CACNG8: variants seen among roughly 807,000 people sequenced by gnomAD.
CACNG8 encodes voltage-dependent calcium channel gamma-8 subunit.
Under a neutral mutation model 26.9 loss-of-function variants are expected in CACNG8, and 5 were observed. The ratio of observed to expected loss-of-function variants is 0.19; its 90% CI spans 0.10 to 0.39. CACNG8 has a LOEUF of 0.39. Ranked by LOEUF, CACNG8 falls within the 10% of genes least tolerant of loss-of-function variation. The pLI is 1.00. For missense variants in CACNG8, 473 were observed against 609.4 expected (o/e 0.78, Z 2.36); for synonymous variants, 321 against 296.7 (o/e 1.08, Z -0.84).
At chr19:53,978,606 G>A (rs1298565277) in intron 2 of CACNG8, among the ~76,000 whole-genome samples, 1 of 151,730 alleles carries the variant, frequency 6.6e-6, no homozygotes, top group Non-Finnish European at 1.5e-5. Flanking sequence ...ACTGGGAGCC[G>A]GCTGGGAAAG....
intron 3 of CACNG8, 108 bp from the exon 4 acceptor site, chr19:53,981,972 T>G: frequency 1.7e-6 from 2 of 1,174,542 alleles, no homozygotes; most frequent in Non-Finnish European, 2.1e-6. Flanking sequence ...CTAGACCGCC[T>G]GGGGGTGGCG....
chr19:53,973,248 G>A (rs539617667), intron 1 of CACNG8, among the ~76,000 whole-genome samples: 3 of 152,248 alleles, frequency 2.0e-5, no homozygotes, highest in Non-Finnish European at 4.4e-5. Context: ...CAGGCTGGGC[G>A]CGGTGGCTCA....
intron 1 of CACNG8, among the ~76,000 whole-genome samples, chr19:53,972,774 C>T (rs1289602103): frequency 3.9e-5 from 6 of 152,148 alleles, no homozygotes; most frequent in Non-Finnish European, 7.3e-5. Flanking sequence ...TCCAAAACCA[C>T]GCAGCTGGGA....
chr19:53,976,070 C>T (rs146396711), intron 1 of CACNG8, among the ~76,000 whole-genome samples: 64 of 152,324 alleles, frequency 4.2e-4, no homozygotes, highest in African/African-American at 1.3e-3. Flanking sequence ...TGGAGGCCAG[C>T]GCAGTGGCTC....
intron 2 of CACNG8, among the ~76,000 whole-genome samples, chr19:53,979,458 G>A (rs1239790622): frequency 1.3e-5 from 2 of 151,896 alleles, no homozygotes; most frequent in Non-Finnish European, 2.9e-5. Context: ...TGTGGAGAGA[G>A]GTAGTAAGTG....
At position 53,978,166 on chromosome 19, in the gene CACNG8, G is replaced by A. The variant is rs1241760322; in HGVS notation, c.304G>A (p.Val102Met). 1 of 1,613,016 alleles carries A rather than the reference G, an allele frequency of 6.2e-7. No individual in the cohort carries two copies. Among genetic ancestry groups the A allele is most frequent in the Admixed American group, 1.7e-5 (1 of 59,956 alleles). ...TCCAGGGTTGAAAAGAGGCGTCTGC[G>A]TGAAGATCAATCATTTCCCGGAGGA... The change falls in exon 2 of 4, where the codon GTG becomes ATG. Residue 102 changes from valine (V) to methionine (M), a missense_variant. Transcript: ENST00000270458.
Position 53,980,232 on chromosome 19 carries a change from C to T in CACNG8, c.508+225C>T, listed in dbSNP as rs534989801. ...TAAGGTGGGTGTAGTTCTCGCGTCG[C>T]CTTCGGAGGAGTAAACCGACACAGG... On this transcript the variant is annotated intron_variant, in intron 3 of 3. Coordinates refer to ENST00000270458, the MANE Select transcript of CACNG8 (RefSeq NM_031895.6). Among the ~76,000 whole-genome samples, 27 of 151,960 alleles carry T rather than the reference C, an allele frequency of 1.8e-4. No homozygotes were observed. The South Asian group carries it at 5.4e-3, about 30-fold the overall frequency.
rs1447738485 is a variant in CACNG8 at position 53,982,432 on chromosome 19, G to A, written c.861G>A (p.Arg287=). 4 of 1,519,288 alleles carry A rather than the reference G, an allele frequency of 2.6e-6. No individual in the cohort carries two copies. In the South Asian group the frequency reaches 4.9e-5, roughly 18 times the overall value. 94.1% of individuals were successfully genotyped at this position (1,519,288 alleles called of 1,614,324 possible). ...GCTCCAGCGAGCCGTCGCCGTCGCG[G>A]GACGCGTCTCCCGGCGGCCCCGGGG... The change falls in exon 4 of 4, where the codon CGG becomes CGA. Residue 287 remains arginine (R), a synonymous_variant. Transcript: ENST00000270458. This position sits in a 1 kb window ranked among gnomAD's most constrained non-coding sequence, Gnocchi z 8.4.
chr19:53,965,075 G>A (rs1484995146), intron 1 of CACNG8, among the ~76,000 whole-genome samples: 1 of 152,196 alleles, frequency 6.6e-6, no homozygotes, highest in Non-Finnish European at 1.5e-5. Context: ...CTGAGGCTCA[G>A]AGAAGTGAAG....
Position 53,989,989 on chromosome 19 carries a change from G to A in CACNG8, c.*7140G>A, listed in dbSNP as rs2145947078. 1 of 152,744 alleles carries A rather than the reference G, an allele frequency of 6.5e-6. No homozygotes were observed. The allele number at this position is 152,744 out of a possible 1,614,324, so 9.5% of individuals were successfully genotyped here. ...GTGCACCAGAGCCTCGCTCAGGTCA[G>A]CGCCAGGCCTGCCTGGAGCAGCCAA... is the stretch of plus-strand genomic sequence containing the variant. On this transcript the variant is annotated 3_prime_UTR_variant, in exon 4 of 4. Transcript: ENST00000270458.
rs974979025 is a variant in CACNG8 at position 53,984,123 on chromosome 19, T to A, written c.*1274T>A. On this transcript the variant is annotated 3_prime_UTR_variant, in exon 4 of 4. Coordinates refer to ENST00000270458, the MANE Select transcript of CACNG8 (RefSeq NM_031895.6). ...ACGTAATTACACAGATGCTGAAGCATAGTCATGGTGTCTGGTGTGCAGGAG... is the reference window on the plus strand; with the variant it reads ...ACGTAATTACACAGATGCTGAAGCAAAGTCATGGTGTCTGGTGTGCAGGAG... The A allele has an allele frequency of 6.6e-6, 1 of 152,240 alleles. No homozygotes were observed. The highest frequency in any genetic ancestry group is 2.4e-5 in the African/African-American group (1 of 41,446). 9.4% of individuals were successfully genotyped at this position (152,240 alleles called of 1,614,324 possible).
chr19:53,980,092 G>C (rs1323399196), intron 3 of CACNG8, 85 bp downstream of exon 3: 3 of 1,362,566 alleles, frequency 2.2e-6, no homozygotes, highest in Non-Finnish European at 2.9e-6. Context: ...GTGTGCGCGC[G>C]CGCGCGTGAG....
In CACNG8 at chr19:53,986,367, A is replaced by G. The variant is rs1411100710; in HGVS notation, c.*3518A>G. On this transcript the variant is annotated 3_prime_UTR_variant, in exon 4 of 4. Transcript: ENST00000270458. ...GGGATGTGGTGGCAAATAGACGGACAAGGGCCTGCTCTCCTGAAACACACT... is the reference window on the plus strand; with the variant it reads ...GGGATGTGGTGGCAAATAGACGGACGAGGGCCTGCTCTCCTGAAACACACT... 2.0e-5 allele frequency: 3 copies of G among 152,300 alleles called. No homozygotes were observed. The highest frequency in any genetic ancestry group is 4.4e-5 in the Non-Finnish European group (3 of 68,072). The allele number at this position is 152,300 out of a possible 1,614,324, so 9.4% of individuals were successfully genotyped here.
Position 53,979,911 on chromosome 19 carries a change from C to T in CACNG8, c.412C>T (p.Leu138=). ...CATCTTCCCCATCCTTAGCGCCATC[C>T]TGCTGCTGCTCGGGGGTGTGTGCGT... Residue 138 remains leucine (L), a synonymous_variant, in exon 3 of 4, where the codon CTG becomes TTG. Coordinates refer to ENST00000270458, the MANE Select transcript of CACNG8 (RefSeq NM_031895.6). 1.9e-6 allele frequency: 3 copies of T among 1,611,384 alleles called. No homozygotes were observed. The highest frequency in any genetic ancestry group is 2.5e-6 in the Non-Finnish European group (3 of 1,178,524).
At position 53,985,484 on chromosome 19, in the gene CACNG8, TGAGACGGAGAAGCGCTGAGTGAGA is replaced by T; in HGVS notation, c.*2644_*2667del. On this transcript the variant is annotated 3_prime_UTR_variant, in exon 4 of 4. Transcript: ENST00000270458. Reference sequence around the variant, plus strand: ...ATGTAGGAAAAGGAATACAAATCAGTGAGACGGAGAAGCGCTGAGTGAGAGAGACGGATACGTGGAGAGAAGAGG... The same window carrying T: ...ATGTAGGAAAAGGAATACAAATCAGTGAGACGGATACGTGGAGAGAAGAGG... 6.6e-6 allele frequency: 1 copy of T among 152,174 alleles called. No homozygotes were observed. Among genetic ancestry groups the T allele is most frequent in the South Asian group, 2.1e-4 (1 of 4,816 alleles). The allele number at this position is 152,174 out of a possible 1,614,324, so 9.4% of individuals were successfully genotyped here.
Position 53,988,180 on chromosome 19 carries a change from C to A in CACNG8, c.*5331C>A. ...TGGTGATCTTGATAAGATAAGATGTCAGTTCAGTGCAGTGGTGGGGACAGA... is the reference window on the plus strand; with the variant it reads ...TGGTGATCTTGATAAGATAAGATGTAAGTTCAGTGCAGTGGTGGGGACAGA... On this transcript the variant is annotated 3_prime_UTR_variant, in exon 4 of 4. Coordinates refer to ENST00000270458, the MANE Select transcript of CACNG8 (RefSeq NM_031895.6). The A allele has an allele frequency of 6.6e-6, 1 of 151,406 alleles. No individual in the cohort carries two copies. Among genetic ancestry groups the A allele is most frequent in the Non-Finnish European group, 1.5e-5 (1 of 67,970 alleles). 9.4% of individuals were successfully genotyped at this position (151,406 alleles called of 1,614,324 possible).
chr19:53,967,395 G>A (rs1004140270), intron 1 of CACNG8, among the ~76,000 whole-genome samples: 2 of 152,194 alleles, frequency 1.3e-5, no homozygotes, highest in African/African-American at 2.4e-5. Flanking sequence ...ACAGAGGTCA[G>A]CACAGTGAAG....
At chr19:53,975,691 C>G (rs552477167) in intron 1 of CACNG8, among the ~76,000 whole-genome samples, 1 of 152,124 alleles carries the variant, frequency 6.6e-6, no homozygotes, top group Non-Finnish European at 1.5e-5. Context: ...TTCAACCATT[C>G]TCTCATTAAA....
At chr19:53,980,611 G>A (rs1355873887) in intron 3 of CACNG8, among the ~76,000 whole-genome samples, 1 of 152,122 alleles carries the variant, frequency 6.6e-6, no homozygotes, top group Non-Finnish European at 1.5e-5. Flanking sequence ...TAGAAAAGAC[G>A]GGGCGATGCC....
Sources: allele counts gnomAD v4.1 joint callset (sites outside exome capture counted in the v4.1 genomes callset), GRCh38; gene constraint gnomAD v4.1.1; non-coding constraint Gnocchi (gnomAD v3.1); transcripts MANE v1.5; gene names NCBI Gene and HGNC (gene_info 2026-07-23, HGNC 2026-07-21).